Variants in CNBD1 observed in about 807,000 individuals in gnomAD.
CNBD1 encodes cyclic nucleotide-binding domain-containing protein 1.
In CNBD1, 71 loss-of-function variants were observed where a neutral mutation model predicts 54.4. That is an observed-to-expected ratio of 1.30 (90% CI 1.08 to 1.59). The LOEUF (loss-of-function observed/expected upper bound fraction) is 1.59, where lower values mean the gene tolerates loss of function less well. CNBD1 is among the 40% of genes most tolerant of loss of function. The pLI is 0.00. For missense variants in CNBD1, 659 were observed against 518.0 expected (o/e 1.27, Z -2.64); for synonymous variants, 182 against 170.7 (o/e 1.07, Z -0.51).
Position 87,021,469 on chromosome 8 carries a change from A to G in CNBD1, c.431+81715A>G, listed in dbSNP as rs148572833. On this transcript the variant is annotated intron_variant, in intron 4 of 10. Transcript: ENST00000518476. ...GCAATCTTTCTTCCAAATTTGAACT[A>G]ATTTGAACTACTGACATACATTTTA... 3.1e-3 allele frequency among the ~76,000 whole-genome samples: 465 copies of G among 152,334 alleles called. 2 individuals are homozygous for G. The highest frequency in any genetic ancestry group is 0.01 in the African/African-American group (434 of 41,578).
chr8:87,131,557 A>G (rs950048070), intron 4 of CNBD1, among the ~76,000 whole-genome samples: 2 of 152,016 alleles, frequency 1.3e-5, no homozygotes, highest in African/African-American at 2.4e-5. Flanking sequence ...ATTTAAAGCT[A>G]TTTCCTTATA....
intron 6 of CNBD1, among the ~76,000 whole-genome samples, chr8:87,265,351 C>T (rs949558081): frequency 1.3e-5 from 2 of 152,016 alleles, no homozygotes; most frequent in Admixed American, 6.6e-5. Context: ...TTCTGTCCCA[C>T]TGGTCTATAT....
intron 10 of CNBD1, among the ~76,000 whole-genome samples, chr8:87,376,417 T>C (rs569704459): frequency 8.6e-5 from 13 of 151,988 alleles, no homozygotes; most frequent in Admixed American, 2.0e-4. Context: ...AACCTACTAA[T>C]ACCGTCACAT....
intron 6 of CNBD1, among the ~76,000 whole-genome samples, chr8:87,256,002 TATATATATATATA>T (rs1204058221): frequency 6.2e-4 from 11 of 17,756 alleles, no homozygotes; most frequent in Admixed American, 2.6e-3. Context: ...TATATATATA[TATATATATATATA>T]TTTTTTTTTT....
At chr8:86,936,287 T>C (rs1214692850) in intron 3 of CNBD1, among the ~76,000 whole-genome samples, 2 of 152,238 alleles carry the variant, frequency 1.3e-5, no homozygotes, top group Non-Finnish European at 2.9e-5. Flanking sequence ...AAAATTTTTC[T>C]ATGCAACCAC....
chr8:86,997,672 C>A (rs919441171), intron 4 of CNBD1, among the ~76,000 whole-genome samples: 1 of 152,160 alleles, frequency 6.6e-6, no homozygotes, highest in African/African-American at 2.4e-5. Context: ...CCACAGGAGA[C>A]AGCAGATGTC....
chr8:87,260,390 G>A (rs908871855), intron 6 of CNBD1, among the ~76,000 whole-genome samples: 4 of 152,136 alleles, frequency 2.6e-5, no homozygotes, highest in Admixed American at 6.6e-5. Flanking sequence ...GTCATCTTGA[G>A]CAGTGAGCTT....
At chr8:87,371,300 T>C (rs1168704634) in intron 10 of CNBD1, among the ~76,000 whole-genome samples, 1 of 151,976 alleles carries the variant, frequency 6.6e-6, no homozygotes, top group Non-Finnish European at 1.5e-5. Context: ...TGGCATTGAA[T>C]CTATAAATTA....
chr8:87,176,295 C>T (rs532805091), intron 4 of CNBD1, among the ~76,000 whole-genome samples: 2 of 152,088 alleles, frequency 1.3e-5, no homozygotes, highest in African/African-American at 2.4e-5. Context: ...TGCTCTCCCC[C>T]CTCTGTATAT....
intron 4 of CNBD1, among the ~76,000 whole-genome samples, chr8:87,011,941 G>A (rs1438526132): frequency 1.3e-5 from 2 of 152,126 alleles, no homozygotes; most frequent in Non-Finnish European, 2.9e-5. Context: ...AAGAGCTAAA[G>A]AACATCTGGG....
chr8:87,327,741 A>T (rs1809715018), intron 8 of CNBD1, among the ~76,000 whole-genome samples: 2 of 152,266 alleles, frequency 1.3e-5, no homozygotes, highest in South Asian at 4.1e-4. Flanking sequence ...CCTCAGATGG[A>T]AATGCAGAAA....
intron 8 of CNBD1, among the ~76,000 whole-genome samples, chr8:87,327,890 C>A (rs1240068307): frequency 6.6e-6 from 1 of 152,110 alleles, no homozygotes; most frequent in South Asian, 2.1e-4. Context: ...TATCTTTAAT[C>A]CATTTTTGAG....
intron 4 of CNBD1, among the ~76,000 whole-genome samples, chr8:87,033,385 A>T (rs1261045408): frequency 6.6e-6 from 1 of 152,202 alleles, no homozygotes; most frequent in Non-Finnish European, 1.5e-5. Flanking sequence ...AGAGCTTTAA[A>T]AGGCAATTTC....
At chr8:87,183,703 C>G (rs1245755976) in intron 4 of CNBD1, among the ~76,000 whole-genome samples, 1 of 152,048 alleles carries the variant, frequency 6.6e-6, no homozygotes, top group African/African-American at 2.4e-5. Context: ...TTAGGTAGGG[C>G]TTTTTGCTTT....
chr8:86,894,946 A>G (rs1808827729), intron 2 of CNBD1, among the ~76,000 whole-genome samples: 1 of 152,194 alleles, frequency 6.6e-6, no homozygotes, highest in East Asian at 1.9e-4. Context: ...GGCAAGGGTG[A>G]TCTAATGGTA....
chr8:86,942,487 A>G (rs1807347771), intron 4 of CNBD1, among the ~76,000 whole-genome samples: 1 of 152,192 alleles, frequency 6.6e-6, no homozygotes, highest in Non-Finnish European at 1.5e-5. Flanking sequence ...TTGTGGTTGT[A>G]GGACTGACAT....
At chr8:87,062,839 G>A (rs1007749213) in intron 4 of CNBD1, among the ~76,000 whole-genome samples, 5 of 151,830 alleles carry the variant, frequency 3.3e-5, no homozygotes, top group South Asian at 2.1e-4. Context: ...TTGAAATTCC[G>A]CAATTCAAAA....
At chr8:87,265,675 T>A (rs1296698678) in intron 6 of CNBD1, among the ~76,000 whole-genome samples, 1 of 152,106 alleles carries the variant, frequency 6.6e-6, no homozygotes, top group Non-Finnish European at 1.5e-5. Context: ...TTTTTCTTAA[T>A]AAAGTTTTTA....
At chr8:86,966,372 A>C (rs1285459970) in intron 4 of CNBD1, among the ~76,000 whole-genome samples, 1 of 152,172 alleles carries the variant, frequency 6.6e-6, no homozygotes, top group Non-Finnish European at 1.5e-5. Context: ...TCTTGGTCTC[A>C]CTGACTTCAA....
Sources: gnomAD v4.1 joint callset for allele counts (sites outside exome capture counted in the v4.1 genomes callset) on GRCh38, gnomAD v4.1.1 for gene constraint, MANE v1.5 for transcripts, NCBI Gene and HGNC (gene_info 2026-07-23, HGNC 2026-07-21) for gene names.